The following TAFA1 variants were observed in gnomAD, a reference collection of about 807,000 sequenced individuals.
TAFA1 encodes TAFA chemokine like family member 1, also known as chemokine-like protein TAFA-1.
In TAFA1, 4 loss-of-function variants were observed where a neutral mutation model predicts 18.5. The ratio of observed to expected loss-of-function variants is 0.22; its 90% CI spans 0.11 to 0.49. The LOEUF is 0.49. TAFA1 is among the 20% of genes least tolerant of loss of function. The pLI, the probability that TAFA1 is intolerant of heterozygous loss-of-function variation, is 0.98. For synonymous variants in TAFA1, 56 were observed against 55.2 expected (o/e 1.01, Z -0.06); for missense variants, 147 against 169.0 (o/e 0.87, Z 0.72).
chr3:68,434,425 G>T (rs955295180), intron 3 of TAFA1, among the ~76,000 whole-genome samples: 2 of 152,000 alleles, frequency 1.3e-5, no homozygotes, highest in Non-Finnish European at 2.9e-5. Context: ...AATATAAACA[G>T]ATTCAACCAT....
chr3:68,270,817 C>G (rs1176604547), intron 2 of TAFA1, among the ~76,000 whole-genome samples: 1 of 152,086 alleles, frequency 6.6e-6, no homozygotes, highest in African/African-American at 2.4e-5. Context: ...AATCAAGCCT[C>G]AATTTAAAGT....
At chr3:68,209,258 C>T (rs527432040) in intron 2 of TAFA1, among the ~76,000 whole-genome samples, 4 of 151,990 alleles carry the variant, frequency 2.6e-5, no homozygotes, top group Non-Finnish European at 5.9e-5. Flanking sequence ...TGCCAGCCTC[C>T]TGATACACAG....
At chr3:68,409,206 C>T (rs957602052) in intron 2 of TAFA1, among the ~76,000 whole-genome samples, 1 of 152,206 alleles carries the variant, frequency 6.6e-6, no homozygotes, top group South Asian at 2.1e-4. Context: ...AATTTACACT[C>T]CCCCCTTAGC....
intron 2 of TAFA1, among the ~76,000 whole-genome samples, chr3:68,229,665 G>C (rs1351045473): frequency 6.6e-6 from 1 of 152,206 alleles, no homozygotes; most frequent in Non-Finnish European, 1.5e-5. Flanking sequence ...TCGTAGGTGG[G>C]AAGAAGAAAT....
chr3:68,243,495 A>C (rs956331632), intron 2 of TAFA1, among the ~76,000 whole-genome samples: 1 of 152,102 alleles, frequency 6.6e-6, no homozygotes, highest in Admixed American at 6.6e-5. Context: ...GCCCATCACA[A>C]CTACTAATCT....
At chr3:68,363,697 A>G (rs992073535) in intron 2 of TAFA1, among the ~76,000 whole-genome samples, 5 of 152,088 alleles carry the variant, frequency 3.3e-5, no homozygotes, top group African/African-American at 1.2e-4. Flanking sequence ...TCTTTAGAAG[A>G]CTCATCCCGG....
chr3:68,157,113 T>A (rs964616761), intron 2 of TAFA1, among the ~76,000 whole-genome samples: 1 of 152,220 alleles, frequency 6.6e-6, no homozygotes, highest in Non-Finnish European at 1.5e-5. Flanking sequence ...ATAGAAAACA[T>A]GTTTGGAGCA....
chr3:68,341,800 C>T (rs942030182), intron 2 of TAFA1, among the ~76,000 whole-genome samples: 2 of 152,094 alleles, frequency 1.3e-5, no homozygotes, highest in African/African-American at 4.8e-5. Flanking sequence ...CAGGAGGAGT[C>T]ACCGAAGTAA....
chr3:68,127,257 A>C (rs2065474838), intron 2 of TAFA1, among the ~76,000 whole-genome samples: 1 of 152,140 alleles, frequency 6.6e-6, no homozygotes, highest in Non-Finnish European at 1.5e-5. Flanking sequence ...TTGTTTAATG[A>C]CTAATAATAA....
At chr3:68,414,284 G>A (rs1398965902) in intron 2 of TAFA1, among the ~76,000 whole-genome samples, 2 of 152,104 alleles carry the variant, frequency 1.3e-5, no homozygotes, top group African/African-American at 2.4e-5. Flanking sequence ...TCCAGCCTAG[G>A]CAACAGGAGC....
intron 2 of TAFA1, among the ~76,000 whole-genome samples, chr3:68,213,474 C>A (rs2066619304): frequency 6.6e-6 from 1 of 152,020 alleles, no homozygotes; most frequent in Admixed American, 6.6e-5. Flanking sequence ...GAAGTAATAT[C>A]CCAGGAGGAA....
rs375135881 is a variant in TAFA1, at chr3:68,538,320, T to C, written c.260-436T>C. Among the ~76,000 whole-genome samples the C allele has an allele frequency of 9.2e-5, 14 of 152,322 alleles. No individual in the cohort carries two copies. The East Asian group carries it at 9.6e-4, about 10-fold the overall frequency. On this transcript the variant is annotated intron_variant, in intron 3 of 4. Transcript: ENST00000478136. ...TCAGCCCCCTCTCATAGTCCTAACT[T>C]TGTGGCCTTTCATTAGTTTTACAAA... is the stretch of plus-strand genomic sequence containing the variant.
At chr3:68,091,338 T>C (rs1356193514) in intron 2 of TAFA1, among the ~76,000 whole-genome samples, 3 of 152,188 alleles carry the variant, frequency 2.0e-5, no homozygotes, top group Non-Finnish European at 4.4e-5. Context: ...GTATGTTTAT[T>C]GTTTTTTCCA....
At chr3:68,252,369 C>T (rs9820086) in intron 2 of TAFA1, among the ~76,000 whole-genome samples, 9,109 of 152,242 alleles carry the variant, frequency 0.06, 331 homozygotes, top group South Asian at 0.11. Flanking sequence ...AAACTGGTCA[C>T]CTTCAGACTA....
intron 2 of TAFA1, among the ~76,000 whole-genome samples, chr3:68,151,284 G>A (rs1261498385): frequency 6.6e-6 from 1 of 152,110 alleles, no homozygotes; most frequent in African/African-American, 2.4e-5. Flanking sequence ...GTACAAAAAT[G>A]TTCAGTGTGA....
chr3:68,411,000 T>C (rs17047639), intron 2 of TAFA1, among the ~76,000 whole-genome samples: 5,816 of 152,252 alleles, frequency 0.038, 392 homozygotes, highest in African/African-American at 0.13. Flanking sequence ...TCCAGAAAGG[T>C]TGTGACAAAC....
chr3:68,118,643 T>C (rs2065351351), intron 2 of TAFA1, among the ~76,000 whole-genome samples: 1 of 152,244 alleles, frequency 6.6e-6, no homozygotes, highest in Non-Finnish European at 1.5e-5. Flanking sequence ...TTTTTGTGAC[T>C]GACTTATTTC....
intron 2 of TAFA1, among the ~76,000 whole-genome samples, chr3:68,368,283 T>C (rs1442751375): frequency 1.3e-5 from 2 of 152,220 alleles, no homozygotes; most frequent in Non-Finnish European, 2.9e-5. Context: ...GTTAGATTAA[T>C]ATATGTTTTC....
chr3:68,308,188 T>G (rs1046774336), intron 2 of TAFA1, among the ~76,000 whole-genome samples: 23 of 152,244 alleles, frequency 1.5e-4, no homozygotes, highest in Non-Finnish European at 1.0e-4. Context: ...CCAGAAGGCT[T>G]TATACTGAAG....
Sources: gnomAD v4.1 joint callset for allele counts (sites outside exome capture counted in the v4.1 genomes callset) on GRCh38, gnomAD v4.1.1 for gene constraint, MANE v1.5 for transcripts, NCBI Gene and HGNC (gene_info 2026-07-23, HGNC 2026-07-21) for gene names.